C8orf82: variants seen among roughly 807,000 people sequenced by gnomAD.
The protein encoded by C8orf82 is UPF0598 protein C8orf82.
A neutral mutation model predicts 15.0 loss-of-function variants in C8orf82; 24 were observed. The observed-to-expected ratio is 1.60, with a 90% CI of 1.16 to 2.24. C8orf82 has a LOEUF of 2.24. Ranked by LOEUF, C8orf82 falls within the 30% of genes most tolerant of loss-of-function variation. The pLI is 0.00. For synonymous variants in C8orf82, 205 were observed against 152.2 expected (o/e 1.35, Z -2.55); for missense variants, 388 against 317.4 (o/e 1.22, Z -1.69).
chr8:144,528,719 T>A, intron 1 of C8orf82, 42 bp downstream of exon 1: 1 of 249,572 alleles, frequency 4.0e-6, no homozygotes, highest in Non-Finnish European at 6.1e-6. Flanking sequence ...CAGAGACCTC[T>A]CCCGGCCCCG....
intron 1 of C8orf82, 147 bp downstream of exon 1, chr8:144,528,614 C>A (rs1245605777): frequency 2.1e-5 from 5 of 236,902 alleles, no homozygotes; most frequent in Admixed American, 1.2e-4. Context: ...CCGCGCAGGC[C>A]CCGCCCACCC....
rs961973533 is a variant in C8orf82 at position 144,528,352 on chromosome 8, G to C, written c.157-280C>G. The C allele has an allele frequency of 2.0e-6, 3 of 1,508,952 alleles. No homozygotes were observed. In the African/African-American group the frequency reaches 4.1e-5, roughly 21 times the overall value. The allele number at this position is 1,508,952 out of a possible 1,614,324, so 93.5% of individuals were successfully genotyped here. A position where few individuals can be genotyped will look rare whatever the true frequency, so the allele number is the denominator to read the frequency against. The stretch of plus-strand genomic sequence containing the variant: ...TCAGTTGTACCACCTCCTCCGCGGA[G>C]ACTACCTGGCCTGCTGCCTCCCGGA... On this transcript the variant is annotated intron_variant, in intron 1 of 2. Coordinates refer to ENST00000524821, the MANE Select transcript of C8orf82 (RefSeq NM_001001795.2).
At chr8:144,528,254 G>A in intron 1 of C8orf82, 182 bp from the exon 2 acceptor site, 4 of 1,493,192 alleles carry the variant, frequency 2.7e-6, no homozygotes, top group Non-Finnish European at 2.7e-6. Context: ...CGACTTATCC[G>A]CGTCTATGCG....
chr8:144,528,142 T>G, intron 1 of C8orf82, 70 bp from the exon 2 acceptor site: 1 of 1,584,474 alleles, frequency 6.3e-7, no homozygotes, highest in Non-Finnish European at 8.6e-7. Flanking sequence ...CAGGAGGTCC[T>G]GAAGCTCGGG....
Position 144,528,899 on chromosome 8 carries a change from C to G in C8orf82, c.18G>C (p.Gly6=), listed in dbSNP as rs1361656646. The part of the protein sequence containing the change: MWPPC[G]TLRTLALARS... Reference sequence around the variant, plus strand: ...GCGCCAAGGCCAGGGTCCGGAGCGTCCCGCAAGGCGGCCACATTCTCCTCC... The same window carrying G: ...GCGCCAAGGCCAGGGTCCGGAGCGTGCCGCAAGGCGGCCACATTCTCCTCC... The change falls in exon 1 of 3, where the codon GGG becomes GGC. Residue 6 remains glycine (G), a synonymous_variant. Coordinates refer to ENST00000524821, the MANE Select transcript of C8orf82 (RefSeq NM_001001795.2). 4 of 1,511,494 alleles carry G rather than the reference C, an allele frequency of 2.6e-6. No homozygotes were observed. The East Asian group carries it at 1.1e-4, about 43-fold the overall frequency. The allele number at this position is 1,511,494 out of a possible 1,614,324, so 93.6% of individuals were successfully genotyped here.
Position 144,527,048 on chromosome 8 carries a change from TCGCGCA to T in C8orf82, c.*288_*293del, listed in dbSNP as rs1816390537. On this transcript the variant is annotated 3_prime_UTR_variant, in exon 3 of 3. Transcript: ENST00000524821. ...CGGGCTGGGAGGGGGCGGGGGACGC[TCGCGCA>T]CGCGCACCAGAGCCCCGCGCCCGCC... The T allele has an allele frequency of 6.2e-6, 1 of 160,290 alleles. No homozygotes were observed. The highest frequency in any genetic ancestry group is 1.4e-5 in the Non-Finnish European group (1 of 73,862). The allele number at this position is 160,290 out of a possible 1,614,324, so 9.9% of individuals were successfully genotyped here.
intron 2 of C8orf82, 35 bp from the exon 3 acceptor site, chr8:144,527,822 G>C (rs1816432406): frequency 6.3e-7 from 1 of 1,584,654 alleles, no homozygotes; most frequent in South Asian, 1.1e-5. Context: ...TCAGCGCGCT[G>C]GGCTCCCAAG....
At position 144,529,071 on chromosome 8, in the gene C8orf82, G is replaced by C. The variant is rs1159633920; in HGVS notation, c.-155C>G. 1 of 717,796 alleles carries C rather than the reference G, an allele frequency of 1.4e-6. No individual in the cohort carries two copies. The highest frequency in any genetic ancestry group is 2.9e-5 in the South Asian group (1 of 34,894). 44.5% of individuals were successfully genotyped at this position (717,796 alleles called of 1,614,324 possible). Reference sequence around the variant, plus strand: ...CTTCCCTCTCCCTCGGGCCTCGGGGGCTCGCCCGCCCTGGCCTTCCGAGAG... The same window carrying C: ...CTTCCCTCTCCCTCGGGCCTCGGGGCCTCGCCCGCCCTGGCCTTCCGAGAG... On this transcript the variant is annotated 5_prime_UTR_variant, in exon 1 of 3. Coordinates refer to ENST00000524821, the MANE Select transcript of C8orf82 (RefSeq NM_001001795.2).
rs1402989632 is a variant in C8orf82, at chr8:144,528,942, G to C, written c.-26C>G. 6.7e-7 allele frequency: 1 copy of C among 1,495,666 alleles called. No individual in the cohort carries two copies. The highest frequency in any genetic ancestry group is 1.3e-5 in the South Asian group (1 of 78,906). The allele number at this position is 1,495,666 out of a possible 1,614,324, so 92.6% of individuals were successfully genotyped here. A position where few individuals can be genotyped will look rare whatever the true frequency, so the allele number is the denominator to read the frequency against. On this transcript the variant is annotated 5_prime_UTR_variant, in exon 1 of 3. Coordinates refer to ENST00000524821, the MANE Select transcript of C8orf82 (RefSeq NM_001001795.2). ...TCTCCTCCCGCGCCGGAAGCGACCA[G>C]CAGGTCACGCCGGGGGCGGTGCTGC...
Position 144,528,751 on chromosome 8 carries a change from C to G in C8orf82, c.156+10G>C, listed in dbSNP as rs1420197794. On this transcript the variant is annotated intron_variant, in intron 1 of 2. Transcript: ENST00000524821. ...CCCGCCTCTCGAGCAACGGCCCTGCCCCCGCCCACCTGGCCCTGGTGGTCC... is the reference window on the plus strand; with the variant it reads ...CCCGCCTCTCGAGCAACGGCCCTGCGCCCGCCCACCTGGCCCTGGTGGTCC... 2.2e-6 allele frequency: 3 copies of G among 1,380,978 alleles called. No homozygotes were observed. Among genetic ancestry groups the G allele is most frequent in the Non-Finnish European group, 2.8e-6 (3 of 1,063,264 alleles). 85.5% of individuals were successfully genotyped at this position (1,380,978 alleles called of 1,614,324 possible).
rs949256402 is a variant in C8orf82, at chr8:144,529,060, G to T, written c.-144C>A. The stretch of plus-strand genomic sequence containing the variant: ...GGCCCGGCGCTCTTCCCTCTCCCTC[G>T]GGCCTCGGGGGCTCGCCCGCCCTGG... On this transcript the variant is annotated 5_prime_UTR_variant, in exon 1 of 3. Transcript: ENST00000524821. 30 of 782,000 alleles carry T rather than the reference G, an allele frequency of 3.8e-5. No homozygotes were observed. The highest frequency in any genetic ancestry group is 3.6e-6 in the Non-Finnish European group (2 of 553,484). The allele number at this position is 782,000 out of a possible 1,614,324, so 48.4% of individuals were successfully genotyped here. A position where few individuals can be genotyped will look rare whatever the true frequency, so the allele number is the denominator to read the frequency against.
Position 144,529,092 on chromosome 8 carries a change from G to T in C8orf82, c.-176C>A. 1 of 569,428 alleles carries T rather than the reference G, an allele frequency of 1.8e-6. No homozygotes were observed. Among genetic ancestry groups the T allele is most frequent in the Non-Finnish European group, 2.8e-6 (1 of 363,036 alleles). The allele number at this position is 569,428 out of a possible 1,614,324, so 35.3% of individuals were successfully genotyped here. On this transcript the variant is annotated 5_prime_UTR_variant, in exon 1 of 3. Transcript: ENST00000524821. ...GGGGGCTCGCCCGCCCTGGCCTTCCGAGAGGCGTGTGCCGGTGACGCCCCT... is the reference window on the plus strand; with the variant it reads ...GGGGGCTCGCCCGCCCTGGCCTTCCTAGAGGCGTGTGCCGGTGACGCCCCT...
chr8:144,527,414 C>G lies in C8orf82; in HGVS notation c.579G>C (p.Val193=). ...GPGAPALPSH[V]RWQGRRLALT... Reference sequence around the variant, plus strand: ...GGGCGAGGCGGCGGCCCTGCCAGCGCACGTGCGAGGGCAGCGCAGGCGCGC... The same window carrying G: ...GGGCGAGGCGGCGGCCCTGCCAGCGGACGTGCGAGGGCAGCGCAGGCGCGC... The change falls in exon 3 of 3, where the codon GTG becomes GTC. Residue 193 remains valine (V), a synonymous_variant. Coordinates refer to ENST00000524821, the MANE Select transcript of C8orf82 (RefSeq NM_001001795.2). The G allele has an allele frequency of 1.6e-6, 2 of 1,243,874 alleles. No individual in the cohort carries two copies. Among genetic ancestry groups the G allele is most frequent in the Non-Finnish European group, 2.0e-6 (2 of 990,372 alleles). 77.1% of individuals were successfully genotyped at this position (1,243,874 alleles called of 1,614,324 possible).
At position 144,528,818 on chromosome 8, in the gene C8orf82, G is replaced by A; in HGVS notation, c.99C>T (p.Gly33=). The A allele has an allele frequency of 6.6e-7, 1 of 1,512,136 alleles. No homozygotes were observed. Among genetic ancestry groups the A allele is most frequent in the Non-Finnish European group, 8.8e-7 (1 of 1,132,374 alleles). 93.7% of individuals were successfully genotyped at this position (1,512,136 alleles called of 1,614,324 possible). ...SGDGGVSYTQ[G]QSPEPRTREY... ...CGCGGGTCCGCGGCTCCGGACTCTG[G>A]CCCTGCGTGTAGGAAACGCCCCCAT... Residue 33 remains glycine (G), a synonymous_variant, in exon 1 of 3, where the codon GGC becomes GGT. Coordinates refer to ENST00000524821, the MANE Select transcript of C8orf82 (RefSeq NM_001001795.2).
At position 144,528,765 on chromosome 8, in the gene C8orf82, C is replaced by CCCTG; in HGVS notation, c.148_151dup (p.Gly51AlafsTer8). ...AACGGCCCTGCCCCCGCCCACCTGGCCCTGGTGGTCCACGTAGTAGAAATA... is the reference window on the plus strand; with the variant it reads ...AACGGCCCTGCCCCCGCCCACCTGGCCCTGCCTGGTGGTCCACGTAGTAGAAATA... On this transcript the variant is annotated frameshift_variant, in exon 1 of 3. Transcript: ENST00000524821. LOFTEE classifies it high-confidence loss of function. The CCCTG allele has an allele frequency of 7.1e-7, 1 of 1,413,148 alleles. No individual in the cohort carries two copies. Among genetic ancestry groups the CCCTG allele is most frequent in the Non-Finnish European group, 9.3e-7 (1 of 1,079,828 alleles). 87.5% of individuals were successfully genotyped at this position (1,413,148 alleles called of 1,614,324 possible).
chr8:144,526,153 G>A lies in C8orf82; in HGVS notation c.*1189C>T, dbSNP rs1222791350. ...ATGTGGAAAGGGACAGGACCAAGTG[G>A]CCTTGGTGTTTAAATCTTGCCCTAA... On this transcript the variant is annotated 3_prime_UTR_variant, in exon 3 of 3. Coordinates refer to ENST00000524821, the MANE Select transcript of C8orf82 (RefSeq NM_001001795.2). The A allele has an allele frequency of 6.6e-6, 1 of 152,212 alleles. No homozygotes were observed. The highest frequency in any genetic ancestry group is 2.4e-5 in the African/African-American group (1 of 41,438). 9.4% of individuals were successfully genotyped at this position (152,212 alleles called of 1,614,324 possible). A position where few individuals can be genotyped will look rare whatever the true frequency, so the allele number is the denominator to read the frequency against.
rs1564826357 is a variant in C8orf82, at chr8:144,525,916, A to T, written c.*1426T>A. On this transcript the variant is annotated 3_prime_UTR_variant, in exon 3 of 3. Transcript: ENST00000524821. ...CAAGGAGCAGGGAGTTTGCTGGGGG[A>T]CCATATACATGTACTTGTCGTAAAG... The T allele has an allele frequency of 6.6e-6, 1 of 152,052 alleles. No homozygotes were observed. The highest frequency in any genetic ancestry group is 1.5e-5 in the Non-Finnish European group (1 of 67,998). The allele number at this position is 152,052 out of a possible 1,614,324, so 9.4% of individuals were successfully genotyped here.
chr8:144,528,422 G>A (rs2130804817), intron 1 of C8orf82: 3 of 1,488,112 alleles, frequency 2.0e-6, no homozygotes, highest in Admixed American at 2.0e-5. Context: ...AGGCAGGGCG[G>A]CCCGGGTGTC....
At position 144,527,706 on chromosome 8, in the gene C8orf82, G is replaced by C. The variant is rs760225997; in HGVS notation, c.287C>G (p.Ser96Trp). The change falls in exon 3 of 3, where the codon TCG becomes TGG. Residue 96 changes from serine (S) to tryptophan (W), a missense_variant. Ser to Trp is a radical substitution (Grantham distance 177, BLOSUM62 -3). Coordinates refer to ENST00000524821, the MANE Select transcript of C8orf82 (RefSeq NM_001001795.2). ...GAAGTTGCGCTCTCTGCCGCAGGGC[G>C]AGAGGAAGGGGAAAGCGGCCTCGTA... ...GRYEAAFPFLSPCGRERNFLR... is the reference protein window; with the variant it reads ...GRYEAAFPFLWPCGRERNFLR... The C allele has an allele frequency of 3.1e-6, 5 of 1,587,606 alleles. No homozygotes were observed. Among genetic ancestry groups the C allele is most frequent in the Non-Finnish European group, 4.3e-6 (5 of 1,174,308 alleles).
Sources: gnomAD v4.1 joint callset for allele counts on GRCh38, gnomAD v4.1.1 for gene constraint, MANE v1.5 for transcripts, NCBI Gene and HGNC (gene_info 2026-07-23, HGNC 2026-07-21) for gene names.